PDZD2: variants seen among roughly 807,000 people sequenced by gnomAD.
PDZD2 encodes the protein PDZ domain-containing protein 2.
In PDZD2, 90 loss-of-function variants were observed where a neutral mutation model predicts 220.7. The observed-to-expected ratio is 0.41, with a 90% CI of 0.34 to 0.49. PDZD2 has a LOEUF of 0.49. Ranked by LOEUF, PDZD2 falls within the 20% of genes least tolerant of loss-of-function variation. PDZD2 has a pLI of 0.28. For synonymous variants in PDZD2, 1,375 were observed against 1,450.5 expected, an observed-to-expected ratio of 0.95 and a Z score of 1.18; for missense variants, 3,174 against 3,608.5, an observed-to-expected ratio of 0.88 and a Z score of 3.08.
intron 1 of PDZD2, among the ~76,000 whole-genome samples, chr5:31,696,157 T>A (rs994842504): frequency 6.6e-6 from 1 of 152,120 alleles, no homozygotes; most frequent in Non-Finnish European, 1.5e-5. Flanking sequence ...CAGTTAATCA[T>A]ACAGCATGTG....
chr5:31,800,248 A>G (rs142078265), intron 2 of PDZD2, among the ~76,000 whole-genome samples: 65 of 152,320 alleles, frequency 4.3e-4, no homozygotes, highest in Non-Finnish European at 2.1e-4. Context: ...GGACACAGAT[A>G]AACATCAGCA....
intron 16 of PDZD2, 89 bp from the exon 17 acceptor site, chr5:32,072,069 CGAA>C: frequency 1.1e-6 from 1 of 878,602 alleles, no homozygotes; most frequent in Non-Finnish European, 1.8e-6. Context: ...TTGATTAGAA[CGAA>C]GTGTTCTTGG....
At chr5:31,776,290 T>C (rs1752641393) in intron 1 of PDZD2, among the ~76,000 whole-genome samples, 1 of 151,554 alleles carries the variant, frequency 6.6e-6, no homozygotes, top group Non-Finnish European at 1.5e-5. Flanking sequence ...GCCAGCCCCT[T>C]CCCCCACCAT....
At chr5:31,781,534 G>C (rs10805566) in intron 1 of PDZD2, among the ~76,000 whole-genome samples, 92,234 of 151,836 alleles carry the variant, frequency 0.61, 28,303 homozygotes, top group African/African-American at 0.68. Flanking sequence ...TCTCTTAGAA[G>C]TGGTCGCCAA....
At chr5:31,715,019 A>G (rs1208424313) in intron 1 of PDZD2, among the ~76,000 whole-genome samples, 1 of 150,340 alleles carries the variant, frequency 6.7e-6, no homozygotes, top group East Asian at 2.0e-4. Flanking sequence ...AGATCTCGCC[A>G]CTGCACTCCA....
At chr5:32,067,736 C>T (rs745320770) in intron 14 of PDZD2, among the ~76,000 whole-genome samples, 3 of 152,024 alleles carry the variant, frequency 2.0e-5, no homozygotes, top group Non-Finnish European at 4.4e-5. Flanking sequence ...CAATATATTT[C>T]AGTATATATC....
intron 2 of PDZD2, among the ~76,000 whole-genome samples, chr5:31,978,951 C>T (rs888460043): frequency 3.3e-5 from 5 of 152,098 alleles, no homozygotes; most frequent in Non-Finnish European, 7.4e-5. Flanking sequence ...ATAAACTCCT[C>T]TTGGCTTTGT....
chr5:31,917,696 G>T (rs1355858171), intron 2 of PDZD2, among the ~76,000 whole-genome samples: 4 of 152,090 alleles, frequency 2.6e-5, no homozygotes, highest in Non-Finnish European at 4.4e-5. Flanking sequence ...AAAGAAAAGA[G>T]GTTTAATTGG....
chr5:31,862,575 T>C (rs868640180), intron 2 of PDZD2, among the ~76,000 whole-genome samples: 6,377 of 151,642 alleles, frequency 0.042, 168 homozygotes, highest in Non-Finnish European at 0.054. Flanking sequence ...TTTTTTTTTT[T>C]TTTGAGAAGG....
At chr5:31,672,753 A>G (rs1024526539) in intron 1 of PDZD2, among the ~76,000 whole-genome samples, 7 of 152,190 alleles carry the variant, frequency 4.6e-5, no homozygotes, top group Non-Finnish European at 8.8e-5. Context: ...TAGGAGGTTT[A>G]GAGGAAATTG....
At chr5:31,827,762 A>G (rs1756319968) in intron 2 of PDZD2, among the ~76,000 whole-genome samples, 1 of 152,126 alleles carries the variant, frequency 6.6e-6, no homozygotes, top group African/African-American at 2.4e-5. Context: ...ACCTACTATA[A>G]AATTTATCCT....
intron 1 of PDZD2, among the ~76,000 whole-genome samples, chr5:31,687,528 A>G (rs1040544327): frequency 1.3e-5 from 2 of 152,152 alleles, no homozygotes; most frequent in Admixed American, 1.3e-4. Context: ...GCCTCTGCCC[A>G]TTACTACCCA....
intron 1 of PDZD2, among the ~76,000 whole-genome samples, chr5:31,775,820 C>A (rs1040257067): frequency 2.6e-5 from 4 of 152,056 alleles, no homozygotes; most frequent in Admixed American, 2.0e-4. Flanking sequence ...AGGTCTCCCA[C>A]ACTGGGCTTT....
chr5:31,746,692 C>T lies in PDZD2; in HGVS notation c.-360-52197C>T, dbSNP rs78217747. Among the ~76,000 whole-genome samples, 384 of 152,254 alleles carry T rather than the reference C, an allele frequency of 2.5e-3. 2 individuals are homozygous for T. Among genetic ancestry groups the T allele is most frequent in the Middle Eastern group, 0.014 (4 of 294 alleles). ...AAAGGTGTTCTGTGTGTCCTCACCC[C>T]GAGTTTCAGAGGCCACTTGGGCAAG... On this transcript the variant is annotated intron_variant, in intron 1 of 24. Transcript: ENST00000438447.
intron 5 of PDZD2, among the ~76,000 whole-genome samples, chr5:32,006,941 A>G (rs1297405205): frequency 4.7e-5 from 4 of 85,092 alleles, no homozygotes; most frequent in African/African-American, 1.8e-4. Context: ...TTTGAGACGG[A>G]GTCTCGCTCT....
intron 1 of PDZD2, among the ~76,000 whole-genome samples, chr5:31,658,306 G>A (rs1322827350): frequency 2.6e-5 from 4 of 152,014 alleles, no homozygotes; most frequent in African/African-American, 7.2e-5. Context: ...GATGATCAGC[G>A]GAAACTCCGT....
chr5:31,873,644 C>G (rs561205605), intron 2 of PDZD2, among the ~76,000 whole-genome samples: 1 of 151,598 alleles, frequency 6.6e-6, no homozygotes, highest in Admixed American at 6.6e-5. Context: ...CAAAGCGATC[C>G]GCCTGCCTTG....
rs954642227 is a variant in PDZD2, at chr5:32,089,152, G to A, written c.5704G>A (p.Ala1902Thr). 1.2e-6 allele frequency: 2 copies of A among 1,612,454 alleles called. No homozygotes were observed. Among genetic ancestry groups the A allele is most frequent in the Non-Finnish European group, 1.7e-6 (2 of 1,180,006 alleles). Residue 1902 changes from alanine (A) to threonine (T), a missense_variant, in exon 20 of 25, where the codon GCT (alanine) becomes ACT (threonine). This residue lies in a region of PDZD2 where 1,861 missense variants were observed against 2,001.0 expected (regional missense o/e 0.93). Coordinates refer to ENST00000438447, the MANE Select transcript of PDZD2 (RefSeq NM_178140.4). ...GKAKVNSEAP[A>T]ANAVKAGGTD... ...GGCCAAAGTCAACTCTGAGGCCCCT[G>A]CTGCGAATGCTGTGAAGGCTGGGGG...
chr5:31,985,686 T>G (rs1750656702), intron 3 of PDZD2, among the ~76,000 whole-genome samples: 1 of 152,146 alleles, frequency 6.6e-6, no homozygotes, highest in Non-Finnish European at 1.5e-5. Flanking sequence ...AGAGTGAGAC[T>G]GTCTCAAAAA....
Sources: gnomAD v4.1 joint callset for allele counts (sites outside exome capture counted in the v4.1 genomes callset) on GRCh38, gnomAD v4.1.1 for gene constraint, gnomAD v4.1.1 regional missense constraint, MANE v1.5 for transcripts, NCBI Gene and HGNC (gene_info 2026-07-23, HGNC 2026-07-21) for gene names.